DYRK1A: variants seen among roughly 807,000 people sequenced by gnomAD.
The protein encoded by DYRK1A is dual specificity tyrosine phosphorylation regulated kinase 1A, also known as dual specificity tyrosine-phosphorylation-regulated kinase 1A.
DYRK1A carries 9 observed loss-of-function variants against 79.7 expected under a neutral mutation model. The observed-to-expected ratio is 0.11, with a 90% CI of 0.07 to 0.20. The LOEUF is 0.20. Among genes scored for constraint, DYRK1A ranks in the 10% least tolerant of loss-of-function variants. DYRK1A has a pLI of 1.00. For synonymous variants in DYRK1A, 349 were observed against 329.7 expected, an observed-to-expected ratio of 1.06 and a Z score of -0.63; for missense variants, 622 against 956.0, an observed-to-expected ratio of 0.65 and a Z score of 4.61.
At chr21:37,419,435 G>A (rs972472337) in intron 1 of DYRK1A, 1 of 152,156 alleles carries the variant, frequency 6.6e-6, no homozygotes, top group Non-Finnish European at 1.5e-5. Flanking sequence ...CTTCTGCAGC[G>A]GCCCCAGTGC....
chr21:37,509,834 TC>T (rs1341966668), intron 11 of DYRK1A, among the ~76,000 whole-genome samples: 1 of 152,184 alleles, frequency 6.6e-6, no homozygotes, highest in East Asian at 1.9e-4. Flanking sequence ...TATCCACAGT[TC>T]CAGTTATTCA....
chr21:37,493,667 T>G (rs969599528), intron 8 of DYRK1A, among the ~76,000 whole-genome samples: 6 of 152,314 alleles, frequency 3.9e-5, no homozygotes, highest in Non-Finnish European at 1.5e-5. Context: ...GGAAGATTTT[T>G]CAAGGTCAGA....
At chr21:37,371,842 C>T (rs530504272) in intron 1 of DYRK1A, among the ~76,000 whole-genome samples, 1 of 152,126 alleles carries the variant, frequency 6.6e-6, no homozygotes, top group Non-Finnish European at 1.5e-5. Context: ...CTTTCAGCAT[C>T]AACTCTATTT....
At chr21:37,457,037 C>CTTATTTAT (rs57947572) in intron 2 of DYRK1A, among the ~76,000 whole-genome samples, 721 of 59,226 alleles carry the variant, frequency 0.012, 2 homozygotes, top group South Asian at 0.016. Flanking sequence ...TACTTACTTA[C>CTTATTTAT]TTATTTATTT....
chr21:37,368,178 G>A (rs963510847), intron 1 of DYRK1A: 1 of 152,272 alleles, frequency 6.6e-6, no homozygotes. Context: ...GCGCTGGAGC[G>A]AGGGGCACTC....
At chr21:37,506,589 G>A (rs1209138510) in intron 11 of DYRK1A, among the ~76,000 whole-genome samples, 2 of 152,176 alleles carry the variant, frequency 1.3e-5, no homozygotes, top group Non-Finnish European at 2.9e-5. Context: ...TGAATGACTC[G>A]ACTCTGCTTC....
At chr21:37,506,030 C>A in intron 10 of DYRK1A, 69 bp from the exon 11 acceptor site, 1 of 1,526,576 alleles carries the variant, frequency 6.6e-7, no homozygotes, top group Non-Finnish European at 8.8e-7. Flanking sequence ...GGTATAGCTT[C>A]AGAGTATAAA....
In DYRK1A at chr21:37,472,564, A is replaced by G. The variant is rs201209586; in HGVS notation, c.11-120A>G. 9.5e-6 allele frequency: 7 copies of G among 740,372 alleles called. No homozygotes were observed. The East Asian group carries it at 2.0e-4, about 21-fold the overall frequency. 45.9% of individuals were successfully genotyped at this position (740,372 alleles called of 1,614,324 possible). On this transcript the variant is annotated intron_variant, in intron 2 of 11. Coordinates refer to ENST00000647188, the MANE Select transcript of DYRK1A (RefSeq NM_001347721.2). ...GAGTAACATATACCTGTTTGTAGTT[A>G]GAAAAGTTTTTTAATATTGAATATC... is the stretch of plus-strand genomic sequence containing the variant.
intron 9 of DYRK1A, among the ~76,000 whole-genome samples, chr21:37,498,373 A>G (rs187404945): frequency 6.6e-6 from 1 of 152,250 alleles, no homozygotes; most frequent in East Asian, 1.9e-4. Flanking sequence ...TTATCCCACT[A>G]CTTTCTGATT....
At chr21:37,417,151 C>A (rs1171313807) in intron 1 of DYRK1A, among the ~76,000 whole-genome samples, 7 of 152,112 alleles carry the variant, frequency 4.6e-5, no homozygotes, top group Admixed American at 4.6e-4. Flanking sequence ...GCATTCATTT[C>A]AGTCCCAGTC....
intron 1 of DYRK1A, among the ~76,000 whole-genome samples, chr21:37,391,948 C>T (rs1203275638): frequency 6.6e-6 from 1 of 152,216 alleles, no homozygotes. Flanking sequence ...ACTAGTAAAG[C>T]CACCCAAGCT....
At chr21:37,406,253 T>A (rs538935902) in intron 1 of DYRK1A, among the ~76,000 whole-genome samples, 28 of 152,288 alleles carry the variant, frequency 1.8e-4, no homozygotes, top group African/African-American at 6.5e-4. Flanking sequence ...TACTGGTTAA[T>A]TTTTAGTTAA....
chr21:37,378,968 T>G (rs2049603266), intron 1 of DYRK1A, among the ~76,000 whole-genome samples: 1 of 152,074 alleles, frequency 6.6e-6, no homozygotes, highest in Non-Finnish European at 1.5e-5. Flanking sequence ...GACAGTCTAT[T>G]GGAGGAAGTC....
chr21:37,448,152 GTGTT>G (rs1308830389), intron 2 of DYRK1A, among the ~76,000 whole-genome samples: 2 of 152,164 alleles, frequency 1.3e-5, no homozygotes, highest in Admixed American at 1.3e-4. Flanking sequence ...GTTCAGTTGA[GTGTT>G]TGTTACATAG....
At chr21:37,417,969 A>G (rs949894957) in intron 1 of DYRK1A, among the ~76,000 whole-genome samples, 2 of 152,128 alleles carry the variant, frequency 1.3e-5, no homozygotes, top group Non-Finnish European at 2.9e-5. Context: ...AGATGATGAA[A>G]AATATACTCT....
intron 10 of DYRK1A, 25 bp from the exon 11 acceptor site, chr21:37,506,074 A>G: frequency 5.0e-6 from 8 of 1,597,698 alleles, no homozygotes; most frequent in African/African-American, 1.3e-5. Flanking sequence ...TCACAGTTGT[A>G]TTGTTTTGTG....
At chr21:37,435,801 G>C (rs1222154482) in intron 2 of DYRK1A, among the ~76,000 whole-genome samples, 1 of 152,180 alleles carries the variant, frequency 6.6e-6, no homozygotes, top group Non-Finnish European at 1.5e-5. Context: ...TACTGCCTGT[G>C]TAGTCTAGCA....
chr21:37,402,075 A>G lies in DYRK1A; in HGVS notation c.-76-18224A>G, dbSNP rs530856601. ...GCCATCCCTTTGTGCAATTGCTGCC[A>G]TGTTTTTACTCCTACTTATATTATA... On this transcript the variant is annotated intron_variant, in intron 1 of 11. Transcript: ENST00000647188. Among the ~76,000 whole-genome samples the G allele has an allele frequency of 1.3e-4, 20 of 152,288 alleles. No individual in the cohort carries two copies. The East Asian group carries it at 3.3e-3, about 25-fold the overall frequency.
intron 2 of DYRK1A, among the ~76,000 whole-genome samples, chr21:37,463,946 ATTG>A (rs1194031708): frequency 6.6e-6 from 1 of 152,142 alleles, no homozygotes. Context: ...GTTCTTTAAT[ATTG>A]TTCTTTGATT....
Sources: allele counts gnomAD v4.1 joint callset (sites outside exome capture counted in the v4.1 genomes callset), GRCh38; gene constraint gnomAD v4.1.1; transcripts MANE v1.5; gene names NCBI Gene and HGNC (gene_info 2026-07-23, HGNC 2026-07-21).